The following RRP1B variants were observed in gnomAD, a reference collection of about 807,000 sequenced individuals.
The protein encoded by RRP1B is ribosomal RNA processing protein 1 homolog B.
Under a neutral mutation model 80.2 loss-of-function variants are expected in RRP1B, and 56 were observed. That is an observed-to-expected ratio of 0.70 (90% CI 0.56 to 0.87). The LOEUF (loss-of-function observed/expected upper bound fraction) is 0.87, where lower values mean the gene tolerates loss of function less well. Among genes scored for constraint, RRP1B ranks in the 40% least tolerant of loss-of-function variants. The pLI, the probability that RRP1B is intolerant of heterozygous loss-of-function variation, is 0.00. For synonymous variants in RRP1B, 351 were observed against 357.6 expected (o/e 0.98, Z 0.21); for missense variants, 807 against 939.8 (o/e 0.86, Z 1.85).
At position 43,691,631 on chromosome 21, in the gene RRP1B, AT is replaced by A. The variant is rs372658379; in HGVS notation, c.2083+134del. ...CTAGCTCCTCACTGCCCATTTCTTT[AT>A]TTTTATTTTTTTTTTTTTTTTGAGA... On this transcript the variant is annotated intron_variant, in intron 15 of 15. Transcript: ENST00000340648. This position sits in a 1 kb window ranked among gnomAD's most constrained non-coding sequence, Gnocchi z 4.2. The A allele has an allele frequency of 1.9e-4, 77 of 399,234 alleles. No individual in the cohort carries two copies. In the African/African-American group the frequency reaches 2.7e-3, roughly 14 times the overall value. The allele number at this position is 399,234 out of a possible 1,614,324, so 24.7% of individuals were successfully genotyped here. A position where few individuals can be genotyped will look rare whatever the true frequency, so the allele number is the denominator to read the frequency against.
intron 2 of RRP1B, 60 bp downstream of exon 2, chr21:43,670,026 G>A (rs766513444): frequency 3.9e-5 from 49 of 1,256,434 alleles, no homozygotes; most frequent in Middle Eastern, 3.9e-4. Flanking sequence ...TAAGAGACTT[G>A]ATCACTCATG....
rs2082940909 is a variant in RRP1B at position 43,659,819 on chromosome 21, G to T, written c.130+25G>T. 1 of 1,489,512 alleles carries T rather than the reference G, an allele frequency of 6.7e-7. No homozygotes were observed. 92.3% of individuals were successfully genotyped at this position (1,489,512 alleles called of 1,614,324 possible). ...GGTGGGCGCACGGCCGCGGTCAGCCGCGCCACATGGCGGGCCGGGGGCCGG... is the reference window on the plus strand; with the variant it reads ...GGTGGGCGCACGGCCGCGGTCAGCCTCGCCACATGGCGGGCCGGGGGCCGG... On this transcript the variant is annotated intron_variant, in intron 1 of 15. Transcript: ENST00000340648. This position sits in a 1 kb window ranked among gnomAD's most constrained non-coding sequence, Gnocchi z 4.2.
chr21:43,690,286 A>T lies in RRP1B; in HGVS notation c.1867-2A>T. The T allele has an allele frequency of 6.2e-7, 1 of 1,614,122 alleles. No individual in the cohort carries two copies. The highest frequency in any genetic ancestry group is 8.5e-7 in the Non-Finnish European group (1 of 1,179,984). On this transcript the variant is annotated splice_acceptor_variant, in intron 13 of 15. Coordinates refer to ENST00000340648, the MANE Select transcript of RRP1B (RefSeq NM_015056.3). LOFTEE classifies it high-confidence loss of function. ...TCCGCTTCTCACCCCTCGCTCACGT[A>T]GGGAAGCAGTGGGACTTGCAGTTCC...
At chr21:43,675,882 T>G (rs2147167684) in intron 6 of RRP1B, among the ~76,000 whole-genome samples, 1 of 151,394 alleles carries the variant, frequency 6.6e-6, no homozygotes, top group South Asian at 2.1e-4. Flanking sequence ...TTATTTTATT[T>G]TATTTTATTT....
chr21:43,668,421 C>T (rs570993803), intron 1 of RRP1B, among the ~76,000 whole-genome samples: 64 of 149,252 alleles, frequency 4.3e-4, no homozygotes, highest in Non-Finnish European at 4.7e-4. Context: ...AGTGCAGTGG[C>T]GCAATCTCAG....
intron 1 of RRP1B, among the ~76,000 whole-genome samples, chr21:43,661,509 G>A (rs1180626540): frequency 6.6e-6 from 1 of 152,126 alleles, no homozygotes; most frequent in Non-Finnish European, 1.5e-5. Flanking sequence ...CATCCAGTGG[G>A]AGGACCCCCG....
intron 8 of RRP1B, among the ~76,000 whole-genome samples, chr21:43,682,573 A>G (rs2083047631): frequency 6.6e-6 from 1 of 152,184 alleles, no homozygotes; most frequent in South Asian, 2.1e-4. Context: ...CTGACCTGAG[A>G]CTAGGGCCGG....
intron 8 of RRP1B, among the ~76,000 whole-genome samples, chr21:43,678,367 C>T (rs913367401): frequency 2.0e-5 from 3 of 152,146 alleles, no homozygotes; most frequent in African/African-American, 7.2e-5. Context: ...ATCATGTTGG[C>T]CAGGGTGGTC....
chr21:43,659,868 C>G lies in RRP1B; in HGVS notation c.130+74C>G. 1 of 1,368,778 alleles carries G rather than the reference C, an allele frequency of 7.3e-7. No homozygotes were observed. Among genetic ancestry groups the G allele is most frequent in the Non-Finnish European group, 9.5e-7 (1 of 1,052,156 alleles). 84.8% of individuals were successfully genotyped at this position (1,368,778 alleles called of 1,614,324 possible). A position where few individuals can be genotyped will look rare whatever the true frequency, so the allele number is the denominator to read the frequency against. ...GGGGCTGGGGCTAGGGCCAGGGCCCCGGCACGGAATGCGGCTTCCACGTGT... is the reference window on the plus strand; with the variant it reads ...GGGGCTGGGGCTAGGGCCAGGGCCCGGGCACGGAATGCGGCTTCCACGTGT... On this transcript the variant is annotated intron_variant, in intron 1 of 15. Transcript: ENST00000340648. The surrounding 1 kb of genome is among the most constrained non-coding windows in gnomAD (Gnocchi z 4.2).
chr21:43,665,637 C>T lies in RRP1B; in HGVS notation c.131-4247C>T, dbSNP rs192557481. 1.2e-4 allele frequency among the ~76,000 whole-genome samples: 18 copies of T among 152,248 alleles called. No homozygotes were observed. In the East Asian group the frequency reaches 2.7e-3, roughly 23 times the overall value. On this transcript the variant is annotated intron_variant, in intron 1 of 15. Transcript: ENST00000340648. ...TCTTGGCTCACTGAAACCTCCGCCT[C>T]CTGGGTTCCAGCGGAACCCTTGGTG... is the stretch of plus-strand genomic sequence containing the variant.
chr21:43,684,534 AG>A lies in RRP1B; in HGVS notation c.892-18del. 6.2e-7 allele frequency: 1 copy of A among 1,608,714 alleles called. No homozygotes were observed. Among genetic ancestry groups the A allele is most frequent in the Non-Finnish European group, 8.5e-7 (1 of 1,175,142 alleles). On this transcript the variant is annotated intron_variant, in intron 9 of 15. Transcript: ENST00000340648. Reference sequence around the variant, plus strand: ...GTTGTTTGGCTGCAGACTTATGTTTAGTTTCTCTTCCTGCCTAGTTTGACTA... The same window carrying A: ...GTTGTTTGGCTGCAGACTTATGTTTATTTCTCTTCCTGCCTAGTTTGACTA...
chr21:43,688,111 C>T lies in RRP1B; in HGVS notation c.1737C>T (p.Ser579=), dbSNP rs1489667836. The change falls in exon 13 of 16, where the codon AGC becomes AGT. Residue 579 remains serine (S), a synonymous_variant. Transcript: ENST00000340648. ...AGAAAAAGAAGGCAGGGCCCGGCAG[C>T]CTGGAGCTCTGTGGCCTGCCCAGCC... ...RLQKKKAGPG[S]LELCGLPSQK... 6.2e-7 allele frequency: 1 copy of T among 1,601,410 alleles called. No individual in the cohort carries two copies. The highest frequency in any genetic ancestry group is 8.5e-7 in the Non-Finnish European group (1 of 1,174,430).
At position 43,659,603 on chromosome 21, in the gene RRP1B, A is replaced by G. The variant is rs2082938124; in HGVS notation, c.-62A>G. 7.4e-7 allele frequency: 1 copy of G among 1,345,342 alleles called. No individual in the cohort carries two copies. The highest frequency in any genetic ancestry group is 1.9e-5 in the South Asian group (1 of 53,550). 83.3% of individuals were successfully genotyped at this position (1,345,342 alleles called of 1,614,324 possible). On this transcript the variant is annotated 5_prime_UTR_variant, in exon 1 of 16. Coordinates refer to ENST00000340648, the MANE Select transcript of RRP1B (RefSeq NM_015056.3). This position sits in a 1 kb window ranked among gnomAD's most constrained non-coding sequence, Gnocchi z 4.2. Reference sequence around the variant, plus strand: ...GGCGGACGGTGGCTGGCTGCTCCGCAGCGCTCGGCTGGCTGCAGCGGCACC... The same window carrying G: ...GGCGGACGGTGGCTGGCTGCTCCGCGGCGCTCGGCTGGCTGCAGCGGCACC...
chr21:43,661,032 C>T (rs937155028), intron 1 of RRP1B, among the ~76,000 whole-genome samples: 3 of 152,220 alleles, frequency 2.0e-5, no homozygotes, highest in East Asian at 1.9e-4. Context: ...ATATTATCTC[C>T]CCCATCACTG....
intron 8 of RRP1B, 145 bp from the exon 9 acceptor site, chr21:43,683,134 A>G (rs2083050051): frequency 1.7e-6 from 1 of 576,610 alleles, no homozygotes. Flanking sequence ...CAGCCTCCCA[A>G]AGTGCTAGAA....
chr21:43,687,100 C>T (rs902104904), intron 12 of RRP1B, among the ~76,000 whole-genome samples, 165 bp downstream of exon 12: 1 of 152,114 alleles, frequency 6.6e-6, no homozygotes, highest in Non-Finnish European at 1.5e-5. Flanking sequence ...AAGTGTTGTG[C>T]TGTTTTTGGT....
At chr21:43,675,952 T>C (rs768917697) in intron 6 of RRP1B, among the ~76,000 whole-genome samples, 4 of 152,024 alleles carry the variant, frequency 2.6e-5, no homozygotes, top group Non-Finnish European at 5.9e-5. Context: ...CCCAAGACAG[T>C]TATTCTTCCA....
chr21:43,679,089 C>T (rs191328079), intron 8 of RRP1B, among the ~76,000 whole-genome samples: 40 of 152,238 alleles, frequency 2.6e-4, no homozygotes, highest in East Asian at 2.5e-3. Flanking sequence ...TCTGGGTTCT[C>T]CTGTTCCATT....
intron 9 of RRP1B, among the ~76,000 whole-genome samples, chr21:43,683,938 C>A (rs1415069608): frequency 7.4e-6 from 1 of 135,200 alleles, no homozygotes; most frequent in Non-Finnish European, 1.5e-5. Flanking sequence ...GAGATCATGC[C>A]ACTGCACTCC....
Sources: allele counts gnomAD v4.1 joint callset (sites outside exome capture counted in the v4.1 genomes callset), GRCh38; gene constraint gnomAD v4.1.1; non-coding constraint Gnocchi (gnomAD v3.1); transcripts MANE v1.5; gene names NCBI Gene and HGNC (gene_info 2026-07-23, HGNC 2026-07-21).